DPP4: variants seen among roughly 807,000 people sequenced by gnomAD.
The protein encoded by DPP4 is dipeptidyl peptidase 4.
DPP4 carries 93 observed loss-of-function variants against 122.4 expected under a neutral mutation model. That is an observed-to-expected ratio of 0.76 (90% CI 0.64 to 0.90). The LOEUF is 0.90. Among genes scored for constraint, DPP4 ranks in the 40% least tolerant of loss-of-function variants. The pLI is 0.00. For synonymous variants in DPP4, 321 were observed against 302.9 expected, an observed-to-expected ratio of 1.06 and a Z score of -0.62; for missense variants, 914 against 907.3, an observed-to-expected ratio of 1.01 and a Z score of -0.09.
intron 2 of DPP4, 131 bp from the exon 3 acceptor site, chr2:162,047,632 G>C (rs1559721481): frequency 1.9e-6 from 1 of 540,384 alleles, no homozygotes; most frequent in East Asian, 2.9e-5. Flanking sequence ...CAAAATGCAA[G>C]ACACATTTTA....
At position 162,038,333 on chromosome 2, in the gene DPP4, T is replaced by C. The variant is rs1210832910; in HGVS notation, c.582A>G (p.Ile194Met). Residue 194 changes from isoleucine to methionine, a missense_variant, in exon 8 of 26, where the codon ATA (isoleucine) becomes ATG (methionine). Transcript: ENST00000360534. ...RITWTGKEDI[I>M]YNGITDWVYE... ...AAACCCAGTCAGTTATTCCATTATA[T>C]ATTATATCTTCTTTCCCCGTCCATG... 19 of 1,604,438 alleles carry C rather than the reference T, an allele frequency of 1.2e-5. No individual in the cohort carries two copies. Among genetic ancestry groups the C allele is most frequent in the Non-Finnish European group, 1.5e-5 (18 of 1,175,302 alleles).
At chr2:162,041,676 C>G (rs928250013) in intron 5 of DPP4, among the ~76,000 whole-genome samples, 2 of 152,138 alleles carry the variant, frequency 1.3e-5, no homozygotes, top group African/African-American at 4.8e-5. Context: ...GTGGTACCAG[C>G]TAAAACTATT....
chr2:162,034,737 A>G (rs1334813400), intron 9 of DPP4, among the ~76,000 whole-genome samples: 2 of 152,228 alleles, frequency 1.3e-5, no homozygotes, highest in African/African-American at 4.8e-5. Flanking sequence ...TCTATAATAG[A>G]ACCACTAAAA....
intron 1 of DPP4, 68 bp downstream of exon 1, chr2:162,073,908 C>T (rs1249223988): frequency 1.3e-6 from 2 of 1,594,506 alleles, no homozygotes; most frequent in East Asian, 2.3e-5. Context: ...AGCTTTTGGG[C>T]CATTTGGGGA....
At chr2:162,015,874 G>A (rs1682891922) in intron 18 of DPP4, among the ~76,000 whole-genome samples, 1 of 152,140 alleles carries the variant, frequency 6.6e-6, no homozygotes. Flanking sequence ...TGCCCCTCAC[G>A]TGTGGCTCAA....
intron 22 of DPP4, among the ~76,000 whole-genome samples, chr2:162,008,359 C>T (rs1039540609): frequency 6.6e-6 from 1 of 152,072 alleles, no homozygotes; most frequent in Non-Finnish European, 1.5e-5. Context: ...AAAAATCAAA[C>T]GTGTAATAAA....
chr2:162,012,974 AG>A (rs763395064), intron 19 of DPP4, among the ~76,000 whole-genome samples: 16 of 152,132 alleles, frequency 1.1e-4, no homozygotes, highest in Non-Finnish European at 1.9e-4. Context: ...AACTTTAAAC[AG>A]GAAAATGCAT....
intron 5 of DPP4, among the ~76,000 whole-genome samples, chr2:162,041,796 T>G (rs956613310): frequency 1.3e-5 from 2 of 152,204 alleles, no homozygotes; most frequent in African/African-American, 4.8e-5. Flanking sequence ...TTATTCTATT[T>G]AGTTTATAAA....
intron 2 of DPP4, among the ~76,000 whole-genome samples, chr2:162,048,114 C>T (rs4364036): frequency 0.018 from 2,709 of 152,256 alleles, 45 homozygotes; most frequent in South Asian, 0.037. Flanking sequence ...TCAGGCCCTC[C>T]TGCTTCTCAG....
At chr2:162,037,467 C>G (rs749193002) in intron 8 of DPP4, among the ~76,000 whole-genome samples, 2 of 152,058 alleles carry the variant, frequency 1.3e-5, no homozygotes, top group Admixed American at 6.6e-5. Context: ...TATAATGAGT[C>G]AACTAAACTT....
chr2:162,047,564 A>T, intron 2 of DPP4, 63 bp from the exon 3 acceptor site: 1 of 1,117,862 alleles, frequency 8.9e-7, no homozygotes, highest in Non-Finnish European at 1.3e-6. Context: ...GTTTTGGATA[A>T]AATAAACAAA....
At chr2:162,066,478 C>T (rs1684951533) in intron 2 of DPP4, among the ~76,000 whole-genome samples, 1 of 152,172 alleles carries the variant, frequency 6.6e-6, no homozygotes, top group African/African-American at 2.4e-5. Flanking sequence ...TCTGCCGGTC[C>T]TCTCTATCCC....
chr2:162,014,630 A>G, intron 18 of DPP4, among the ~76,000 whole-genome samples, 165 bp from the exon 19 acceptor site: 1 of 152,246 alleles, frequency 6.6e-6, no homozygotes, highest in African/African-American at 2.4e-5. Flanking sequence ...TTTAAGATAT[A>G]ACATTTTCTT....
intron 10 of DPP4, among the ~76,000 whole-genome samples, chr2:162,025,307 T>C (rs1171225482): frequency 6.6e-6 from 1 of 152,050 alleles, no homozygotes. Flanking sequence ...TTGAGGGAAG[T>C]GAGGCCACAG....
intron 12 of DPP4, 91 bp downstream of exon 12, chr2:162,022,664 G>A (rs555527814): frequency 2.3e-5 from 27 of 1,184,820 alleles, no homozygotes; most frequent in Middle Eastern, 1.9e-4. Flanking sequence ...TATTAATAAC[G>A]TATCACTTAG....
intron 2 of DPP4, among the ~76,000 whole-genome samples, chr2:162,066,249 T>C (rs981193207): frequency 6.6e-6 from 1 of 151,990 alleles, no homozygotes; most frequent in African/African-American, 2.4e-5. Flanking sequence ...ATCCTGCGTT[T>C]CTTTTTTTTT....
chr2:162,020,418 G>A, intron 13 of DPP4, 122 bp from the exon 14 acceptor site: 2 of 1,072,556 alleles, frequency 1.9e-6, no homozygotes, highest in Non-Finnish European at 2.7e-6. Context: ...TTCTTGTTGG[G>A]TTTCCCCACC....
chr2:162,020,098 A>G, intron 14 of DPP4, 131 bp downstream of exon 14: 1 of 751,768 alleles, frequency 1.3e-6, no homozygotes, highest in Non-Finnish European at 2.2e-6. Flanking sequence ...TATGTTAAAA[A>G]GAAAAAAAGT....
At chr2:162,060,804 T>A (rs1684741796) in intron 2 of DPP4, among the ~76,000 whole-genome samples, 1 of 152,186 alleles carries the variant, frequency 6.6e-6, no homozygotes, top group Non-Finnish European at 1.5e-5. Flanking sequence ...ATGCTTGTCC[T>A]CTTGTTCCCA....
Sources: allele counts gnomAD v4.1 joint callset (sites outside exome capture counted in the v4.1 genomes callset), GRCh38; gene constraint gnomAD v4.1.1; transcripts MANE v1.5; gene names NCBI Gene and HGNC (gene_info 2026-07-23, HGNC 2026-07-21).